TFDP2: variants seen among roughly 807,000 people sequenced by gnomAD.
TFDP2 encodes transcription factor Dp-2 (E2F dimerization partner 2).
A neutral mutation model predicts 59.3 loss-of-function variants in TFDP2; 17 were observed. The observed-to-expected ratio is 0.29, with a 90% CI of 0.20 to 0.43. The LOEUF is 0.43. Ranked by LOEUF, TFDP2 falls within the 20% of genes least tolerant of loss-of-function variation. TFDP2 has a pLI of 1.00. For synonymous variants in TFDP2, 180 were observed against 194.7 expected, an observed-to-expected ratio of 0.92 and a Z score of 0.63; for missense variants, 391 against 528.8, an observed-to-expected ratio of 0.74 and a Z score of 2.56.
intron 3 of TFDP2, among the ~76,000 whole-genome samples, chr3:142,088,979 C>T (rs1473991800): frequency 6.6e-6 from 1 of 152,028 alleles, no homozygotes. Flanking sequence ...AGGTGCCCGC[C>T]ACCATGCCCA....
At chr3:142,012,145 T>G (rs1012499905) in intron 3 of TFDP2, among the ~76,000 whole-genome samples, 3 of 151,802 alleles carry the variant, frequency 2.0e-5, no homozygotes, top group African/African-American at 7.3e-5. Flanking sequence ...CCCAAGTAGC[T>G]GGGACTACAG....
intron 11 of TFDP2, among the ~76,000 whole-genome samples, chr3:141,957,176 G>A (rs368423095): frequency 0.015 from 2,295 of 152,158 alleles, 61 homozygotes; most frequent in African/African-American, 0.053. Context: ...AACTAACCGG[G>A]CATAGCGGCA....
At chr3:142,002,329 T>C (rs1306475219) in intron 4 of TFDP2, among the ~76,000 whole-genome samples, 1 of 148,646 alleles carries the variant, frequency 6.7e-6, no homozygotes, top group Non-Finnish European at 1.5e-5. Context: ...TTTTTTTTTT[T>C]TTTTTTTTTG....
rs1470595233 is a variant in TFDP2, at chr3:141,949,000, C to G, written c.*3513G>C. On this transcript the variant is annotated 3_prime_UTR_variant, in exon 13 of 13. Transcript: ENST00000489671. The stretch of plus-strand genomic sequence containing the variant: ...AGCTGAGGCAGGAGAATGGCGTGAA[C>G]CCGGGAGGCGGAGCTTGCAGTGAGC... 6.8e-6 allele frequency: 1 copy of G among 147,344 alleles called. No homozygotes were observed. The highest frequency in any genetic ancestry group is 1.5e-5 in the Non-Finnish European group (1 of 67,694). The allele number at this position is 147,344 out of a possible 1,614,324, so 9.1% of individuals were successfully genotyped here. A position where few individuals can be genotyped will look rare whatever the true frequency, so the allele number is the denominator to read the frequency against.
At chr3:142,131,885 A>G (rs1157938170) in intron 1 of TFDP2, among the ~76,000 whole-genome samples, 1 of 149,304 alleles carries the variant, frequency 6.7e-6, no homozygotes, top group African/African-American at 2.6e-5. Flanking sequence ...ACATGCCTGT[A>G]ATCCCAGCTA....
intron 3 of TFDP2, among the ~76,000 whole-genome samples, chr3:142,047,009 C>A (rs926040309): frequency 6.6e-6 from 1 of 152,150 alleles, no homozygotes; most frequent in Non-Finnish European, 1.5e-5. Context: ...CTTCAGCCTT[C>A]AGCCACACTA....
intron 3 of TFDP2, among the ~76,000 whole-genome samples, chr3:142,024,961 A>G (rs1005287476): frequency 2.0e-5 from 3 of 152,016 alleles, no homozygotes; most frequent in Non-Finnish European, 4.4e-5. Flanking sequence ...CACAGGTTAC[A>G]GTGAGCTGAG....
At chr3:141,972,750 C>T (rs140058672) in intron 8 of TFDP2, among the ~76,000 whole-genome samples, 1 of 152,108 alleles carries the variant, frequency 6.6e-6, no homozygotes, top group Non-Finnish European at 1.5e-5. Context: ...CTCTTCTCCC[C>T]GGTGAGAATG....
At chr3:142,035,879 T>A (rs1270143900) in intron 3 of TFDP2, among the ~76,000 whole-genome samples, 1 of 152,206 alleles carries the variant, frequency 6.6e-6, no homozygotes, top group African/African-American at 2.4e-5. Context: ...GTAAGTCCAA[T>A]TAAACCTCTT....
chr3:142,073,221 CA>C (rs1258211278), intron 3 of TFDP2, among the ~76,000 whole-genome samples: 1 of 152,114 alleles, frequency 6.6e-6, no homozygotes, highest in Non-Finnish European at 1.5e-5. Flanking sequence ...AGGTATGTGC[CA>C]CCATGCCCAG....
rs143476753 is a variant in TFDP2, at chr3:141,955,373, G to A, written c.1052-2357C>T. ...ACCACAGAGCCTGCCTAATCGCCCT[G>A]AGCCTTTTCACTGGGAGTAAGCTAA... On this transcript the variant is annotated intron_variant, in intron 11 of 12. Transcript: ENST00000489671. Among the ~76,000 whole-genome samples, 519 of 152,310 alleles carry A rather than the reference G, an allele frequency of 3.4e-3. 4 individuals carry two copies. Among genetic ancestry groups the A allele is most frequent in the African/African-American group, 0.012 (491 of 41,554 alleles).
intron 3 of TFDP2, among the ~76,000 whole-genome samples, chr3:142,091,834 A>G (rs991232933): frequency 3.3e-5 from 5 of 152,242 alleles, no homozygotes; most frequent in Admixed American, 2.0e-4. Flanking sequence ...TCGCCCTCCT[A>G]TGAGAATCTA....
At chr3:142,131,627 A>G (rs942404194) in intron 1 of TFDP2, among the ~76,000 whole-genome samples, 3 of 150,448 alleles carry the variant, frequency 2.0e-5, no homozygotes, top group Admixed American at 2.0e-4. Context: ...TGGAGTATAT[A>G]ATGGTAAAGA....
chr3:142,112,350 A>C (rs2061692900), intron 1 of TFDP2, among the ~76,000 whole-genome samples: 1 of 152,214 alleles, frequency 6.6e-6, no homozygotes, highest in African/African-American at 2.4e-5. Flanking sequence ...CAGCTCAGAA[A>C]TAAGAAAAAC....
At chr3:142,088,335 T>C (rs1464885666) in intron 3 of TFDP2, among the ~76,000 whole-genome samples, 1 of 151,788 alleles carries the variant, frequency 6.6e-6, no homozygotes, top group Admixed American at 6.6e-5. Flanking sequence ...TTTTCTTTTT[T>C]CTCTTTTTTT....
chr3:142,067,227 C>T (rs939136185), intron 3 of TFDP2, among the ~76,000 whole-genome samples: 1 of 152,064 alleles, frequency 6.6e-6, no homozygotes, highest in Non-Finnish European at 1.5e-5. Flanking sequence ...TAAAATACCT[C>T]TTACAATCAA....
chr3:142,067,275 T>C (rs1208057778), intron 3 of TFDP2, among the ~76,000 whole-genome samples: 1 of 152,148 alleles, frequency 6.6e-6, no homozygotes, highest in Admixed American at 6.5e-5. Flanking sequence ...ACAGCAAGGT[T>C]ACAGAATATG....
intron 1 of TFDP2, among the ~76,000 whole-genome samples, chr3:142,148,477 T>C (rs2108766267): frequency 2.6e-5 from 4 of 152,320 alleles, no homozygotes; most frequent in Admixed American, 2.6e-4. Context: ...TTGCATTCCA[T>C]ACATTAGTCC....
chr3:142,019,307 G>A (rs968480720), intron 3 of TFDP2, among the ~76,000 whole-genome samples: 10 of 152,004 alleles, frequency 6.6e-5, no homozygotes, highest in Middle Eastern at 3.4e-3. Flanking sequence ...CAGGTAACCC[G>A]CCCGCCTCAG....
Sources: allele counts gnomAD v4.1 joint callset (sites outside exome capture counted in the v4.1 genomes callset), GRCh38; gene constraint gnomAD v4.1.1; transcripts MANE v1.5; gene names NCBI Gene and HGNC (gene_info 2026-07-23, HGNC 2026-07-21).